The following DPP10 variants were observed in gnomAD, a reference collection of about 807,000 sequenced individuals.
DPP10 encodes the protein inactive dipeptidyl peptidase 10.
DPP10 carries 33 observed loss-of-function variants against 120.9 expected under a neutral mutation model. The ratio of observed to expected loss-of-function variants is 0.27; its 90% CI spans 0.21 to 0.37. The LOEUF (loss-of-function observed/expected upper bound fraction) is 0.37, where lower values mean the gene tolerates loss of function less well. Ranked by LOEUF, DPP10 falls within the 10% of genes least tolerant of loss-of-function variation. DPP10 has a pLI of 1.00. For missense variants in DPP10, 816 were observed against 942.8 expected (o/e 0.87, Z 1.76); for synonymous variants, 337 against 326.1 (o/e 1.03, Z -0.36).
At chr2:114,583,302 C>T (rs567323818) in intron 1 of DPP10, among the ~76,000 whole-genome samples, 2 of 151,120 alleles carry the variant, frequency 1.3e-5, no homozygotes, top group South Asian at 4.1e-4. Context: ...GGTGCCTGGC[C>T]TATGGCCTAG....
At chr2:114,852,151 C>CTTTTTTTTTTTTTT (rs34580352) in intron 1 of DPP10, among the ~76,000 whole-genome samples, 1 of 53,728 alleles carries the variant, frequency 1.9e-5, no homozygotes, top group African/African-American at 8.5e-5. Context: ...CGATTGCATC[C>CTTTTTTTTTTTTTT]TTTTTTTTTT....
chr2:114,932,151 A>G (rs538820040), intron 1 of DPP10, among the ~76,000 whole-genome samples: 1 of 152,346 alleles, frequency 6.6e-6, no homozygotes, highest in South Asian at 2.1e-4. Flanking sequence ...TTTTAGACCT[A>G]CTGAATTAGA....
chr2:114,880,092 G>A (rs1365159404), intron 1 of DPP10, among the ~76,000 whole-genome samples: 1 of 152,146 alleles, frequency 6.6e-6, no homozygotes, highest in African/African-American at 2.4e-5. Context: ...GCTACTCTTA[G>A]AATCTGTACT....
intron 1 of DPP10, among the ~76,000 whole-genome samples, chr2:114,539,710 C>T (rs1471378542): frequency 1.3e-5 from 2 of 152,192 alleles, no homozygotes; most frequent in Non-Finnish European, 2.9e-5. Context: ...CTGCACCTGG[C>T]ACAAAGAATA....
intron 1 of DPP10, among the ~76,000 whole-genome samples, chr2:114,477,912 T>C (rs1238976584): frequency 8.0e-5 from 12 of 149,600 alleles, no homozygotes; most frequent in Admixed American, 6.0e-4. Flanking sequence ...TATATGTACA[T>C]ATATGTGTAT....
At chr2:115,634,880 A>G (rs2086193655) in intron 5 of DPP10, among the ~76,000 whole-genome samples, 4 of 150,128 alleles carry the variant, frequency 2.7e-5, no homozygotes, top group African/African-American at 9.8e-5. Context: ...AGTCCCAGAG[A>G]GATTAGAGTT....
intron 1 of DPP10, among the ~76,000 whole-genome samples, chr2:114,725,262 C>A (rs1701971612): frequency 6.6e-6 from 1 of 152,172 alleles, no homozygotes; most frequent in South Asian, 2.1e-4. Context: ...ATTTCGAACT[C>A]CTCTCTATCC....
At chr2:114,972,313 A>G (rs1329960392) in intron 1 of DPP10, among the ~76,000 whole-genome samples, 2 of 152,232 alleles carry the variant, frequency 1.3e-5, no homozygotes, top group Non-Finnish European at 2.9e-5. Context: ...TGTTACATTC[A>G]GTTTTGCAAA....
intron 3 of DPP10, among the ~76,000 whole-genome samples, chr2:115,437,297 A>T (rs527295858): frequency 6.6e-6 from 1 of 152,164 alleles, no homozygotes; most frequent in East Asian, 1.9e-4. Context: ...TCACCCTTTG[A>T]TTGTAACCTC....
intron 5 of DPP10, among the ~76,000 whole-genome samples, chr2:115,689,101 T>C (rs759406217): frequency 2.4e-4 from 36 of 152,180 alleles, no homozygotes; most frequent in Non-Finnish European, 4.7e-4. Flanking sequence ...TTTATATAGT[T>C]TCACTACAGA....
At chr2:115,806,383 C>T (rs74412589) in intron 19 of DPP10, among the ~76,000 whole-genome samples, 1 of 152,144 alleles carries the variant, frequency 6.6e-6, no homozygotes, top group Admixed American at 6.5e-5. Flanking sequence ...GGTTCTGCCA[C>T]TGCCTGCTTA....
At chr2:115,570,367 G>A (rs990508269) in intron 5 of DPP10, among the ~76,000 whole-genome samples, 6 of 152,194 alleles carry the variant, frequency 3.9e-5, no homozygotes, top group African/African-American at 7.2e-5. Context: ...CACCCTAACA[G>A]TTTTAATGGC....
intron 1 of DPP10, among the ~76,000 whole-genome samples, chr2:114,632,643 G>C (rs1695019997): frequency 6.7e-6 from 1 of 149,522 alleles, no homozygotes; most frequent in Non-Finnish European, 1.5e-5. Flanking sequence ...CTCCCGAATA[G>C]CTGGGACTAC....
At chr2:114,543,873 T>TTTTG (rs1553459513) in intron 1 of DPP10, among the ~76,000 whole-genome samples, 5 of 116,760 alleles carry the variant, frequency 4.3e-5, no homozygotes, top group African/African-American at 1.7e-4. Flanking sequence ...GCTTGTTTTT[T>TTTTG]TTGTTGTTGG....
chr2:114,640,291 G>A (rs1268416949), intron 1 of DPP10, among the ~76,000 whole-genome samples: 5 of 151,854 alleles, frequency 3.3e-5, no homozygotes, highest in African/African-American at 1.2e-4. Flanking sequence ...TCTGAAGCTG[G>A]TCAGAGAAGG....
At chr2:115,270,119 C>G (rs1398444498) in intron 1 of DPP10, among the ~76,000 whole-genome samples, 1 of 144,060 alleles carries the variant, frequency 6.9e-6, no homozygotes, top group Non-Finnish European at 1.5e-5. Context: ...CACACAGACA[C>G]ACACACAAAC....
At chr2:115,367,298 C>G (rs368489490) in intron 3 of DPP10, among the ~76,000 whole-genome samples, 4 of 151,820 alleles carry the variant, frequency 2.6e-5, no homozygotes, top group African/African-American at 9.7e-5. Context: ...GCAACATAGC[C>G]TGGTGGTCCA....
chr2:115,174,156 G>A (rs2053548484), intron 1 of DPP10, among the ~76,000 whole-genome samples: 1 of 152,198 alleles, frequency 6.6e-6, no homozygotes, highest in Non-Finnish European at 1.5e-5. Context: ...CATGGTTTGT[G>A]TAAAGTCTAG....
At chr2:115,632,355 G>GAT (rs1446858369) in intron 5 of DPP10, among the ~76,000 whole-genome samples, 111 of 152,210 alleles carry the variant, frequency 7.3e-4, no homozygotes, top group African/African-American at 2.4e-3. Flanking sequence ...ACTCTATCCA[G>GAT]CTTGCCATTC....
Sources: allele counts gnomAD v4.1 joint callset (sites outside exome capture counted in the v4.1 genomes callset), GRCh38; gene constraint gnomAD v4.1.1; transcripts MANE v1.5; gene names NCBI Gene and HGNC (gene_info 2026-07-23, HGNC 2026-07-21).